ACTN2: variants seen among roughly 807,000 people sequenced by gnomAD.
ACTN2 encodes alpha-actinin-2.
A neutral mutation model predicts 113.8 loss-of-function variants in ACTN2; 39 were observed. The observed-to-expected ratio is 0.34, with a 90% CI of 0.27 to 0.45. The LOEUF is 0.45. ACTN2 is among the 20% of genes least tolerant of loss of function. ACTN2 has a pLI of 1.00. For synonymous variants in ACTN2, 429 were observed against 444.1 expected, an observed-to-expected ratio of 0.97 and a Z score of 0.43; for missense variants, 992 against 1,177.9, an observed-to-expected ratio of 0.84 and a Z score of 2.31.
At position 236,754,050 on chromosome 1, in the gene ACTN2, C is replaced by G. The variant is rs1196167380; in HGVS notation, c.1943C>G (p.Ala648Gly). 3 of 1,614,150 alleles carry G rather than the reference C, an allele frequency of 1.9e-6. No homozygotes were observed. The highest frequency in any genetic ancestry group is 1.7e-6 in the Non-Finnish European group (2 of 1,180,046). Residue 648 changes from alanine (A) to glycine (G), a missense_variant, in exon 16 of 21, where the codon GCC becomes GGC. Around this residue, in one of 3 missense-constraint regions of ACTN2, gnomAD observed 736 missense variants for 815.4 expected, o/e 0.90. Transcript: ENST00000366578. This position sits in a 1 kb window ranked among gnomAD's most constrained non-coding sequence, Gnocchi z 4.9. ...LRRQFAAQAN[A>G]IGPWIQNKME... The stretch of plus-strand genomic sequence containing the variant: ...CGCCAGTTTGCTGCCCAAGCCAATG[C>G]CATTGGGCCCTGGATCCAGAACAAG...
In ACTN2 at chr1:236,727,775, G is replaced by C; in HGVS notation, c.615+19G>C. Reference sequence around the variant, plus strand: ...TAACAAGGTTATTCTGGGTGGCCTGGCATGCAGTGTCCCCAGCCACGCGTC... The same window carrying C: ...TAACAAGGTTATTCTGGGTGGCCTGCCATGCAGTGTCCCCAGCCACGCGTC... On this transcript the variant is annotated intron_variant, in intron 6 of 20. Transcript: ENST00000366578. 2 of 1,613,048 alleles carry C rather than the reference G, an allele frequency of 1.2e-6. No homozygotes were observed. Among genetic ancestry groups the C allele is most frequent in the African/African-American group, 1.3e-5 (1 of 74,970 alleles).
chr1:236,700,068 A>G (rs1447790550), intron 1 of ACTN2, among the ~76,000 whole-genome samples: 1 of 151,930 alleles, frequency 6.6e-6, no homozygotes. Context: ...CAGACCCCAC[A>G]TTCTCCTTAT....
chr1:236,749,915 T>C (rs1324790296), intron 14 of ACTN2, among the ~76,000 whole-genome samples: 3 of 152,214 alleles, frequency 2.0e-5, no homozygotes, highest in African/African-American at 7.2e-5. Context: ...GTGTACTAGC[T>C]GCTGAGTTAA....
chr1:236,762,889 G>A lies in ACTN2; in HGVS notation c.*270G>A, dbSNP rs1327837946. On this transcript the variant is annotated 3_prime_UTR_variant, in exon 21 of 21. Coordinates refer to ENST00000366578, the MANE Select transcript of ACTN2 (RefSeq NM_001103.4). ...TCAGGTTGATTTCTTTGATTAAACA[G>A]AACAAATTACTTGAGTAATAGGAAA... The A allele has an allele frequency of 1.1e-5, 5 of 449,734 alleles. No individual in the cohort carries two copies. The highest frequency in any genetic ancestry group is 2.0e-5 in the African/African-American group (1 of 50,274). The allele number at this position is 449,734 out of a possible 1,614,324, so 27.9% of individuals were successfully genotyped here.
intron 1 of ACTN2, among the ~76,000 whole-genome samples, chr1:236,705,706 C>G (rs559777315): frequency 1.3e-5 from 2 of 152,340 alleles, no homozygotes; most frequent in South Asian, 4.1e-4. Flanking sequence ...TCAGGCATTT[C>G]ACCTTTCCAA....
chr1:236,702,043 A>T (rs1049940191), intron 1 of ACTN2, among the ~76,000 whole-genome samples: 1 of 152,214 alleles, frequency 6.6e-6, no homozygotes, highest in African/African-American at 2.4e-5. Context: ...AAGGATTTCT[A>T]TTCTGCAGTC....
chr1:236,751,104 A>G (rs867857498), intron 14 of ACTN2, among the ~76,000 whole-genome samples: 7 of 151,442 alleles, frequency 4.6e-5, no homozygotes, highest in African/African-American at 1.7e-4. Flanking sequence ...AAAAAAAAAA[A>G]AAAAAAAAAA....
chr1:236,710,625 C>T (rs1414055096), intron 1 of ACTN2, among the ~76,000 whole-genome samples: 2 of 152,220 alleles, frequency 1.3e-5, no homozygotes, highest in Non-Finnish European at 2.9e-5. Context: ...AGACTGTTGA[C>T]TGGTACTGGT....
intron 8 of ACTN2, chr1:236,736,784 C>A: frequency 1.4e-6 from 1 of 695,980 alleles, no homozygotes. Flanking sequence ...GGTGGACATT[C>A]AGGGACCCAA....
chr1:236,705,212 A>T (rs900452950), intron 1 of ACTN2, among the ~76,000 whole-genome samples: 1 of 152,070 alleles, frequency 6.6e-6, no homozygotes, highest in Non-Finnish European at 1.5e-5. Flanking sequence ...GTATAAATAT[A>T]TATATATAAA....
chr1:236,726,084 G>A lies in ACTN2; in HGVS notation c.536+64G>A, dbSNP rs1658541957. On this transcript the variant is annotated intron_variant, in intron 5 of 20. Coordinates refer to ENST00000366578, the MANE Select transcript of ACTN2 (RefSeq NM_001103.4). ...GAATCTGTGGGTAGCATGGGGAACA[G>A]TGTTTGTGTGCACCCGTGTTTTCCT... 6.4e-6 allele frequency: 9 copies of A among 1,406,234 alleles called. No homozygotes were observed. The Admixed American group carries it at 1.5e-4, about 24-fold the overall frequency. 87.1% of individuals were successfully genotyped at this position (1,406,234 alleles called of 1,614,324 possible).
At chr1:236,686,850 C>A in intron 1 of ACTN2, 51 bp downstream of exon 1, 1 of 1,335,154 alleles carries the variant, frequency 7.5e-7, no homozygotes, top group Non-Finnish European at 9.6e-7. Context: ...GGGTCCCCCG[C>A]GGGGCTCCCG....
chr1:236,724,039 G>C (rs886349026), intron 4 of ACTN2, among the ~76,000 whole-genome samples: 1 of 152,176 alleles, frequency 6.6e-6, no homozygotes, highest in African/African-American at 2.4e-5. Context: ...ACATGCCATA[G>C]CATGGATGGC....
At chr1:236,709,329 T>TATATGTATATATATACAC (rs1491548644) in intron 1 of ACTN2, among the ~76,000 whole-genome samples, 3 of 127,350 alleles carry the variant, frequency 2.4e-5, no homozygotes, top group Non-Finnish European at 4.7e-5. Flanking sequence ...TATATATACA[T>TATATGTATATATATACAC]GTATATATAT....
rs1659410132 is a variant in ACTN2, at chr1:236,752,003, T to C, written c.1839+351T>C. Among the ~76,000 whole-genome samples the C allele has an allele frequency of 2.6e-5, 4 of 152,350 alleles. No homozygotes were observed. In the South Asian group the frequency reaches 8.3e-4, roughly 32 times the overall value. On this transcript the variant is annotated intron_variant, in intron 15 of 20. Transcript: ENST00000366578. ...GGTTACAAGTACTTACAGTACTTTT[T>C]AAAAGAATTTTTAGAATATGATATA...
At position 236,727,748 on chromosome 1, in the gene ACTN2, C is replaced by T; in HGVS notation, c.607C>T (p.Leu203Phe). Reference sequence around the variant, plus strand: ...GCCTGACCTCATTGACTACTCAAAGCTTAACAAGGTTATTCTGGGTGGCCT... The same window carrying T: ...GCCTGACCTCATTGACTACTCAAAGTTTAACAAGGTTATTCTGGGTGGCCT... ...HRPDLIDYSK[L>F]NKDDPIGNIN... Residue 203 changes from leucine (L) to phenylalanine (F), a missense_variant, in exon 6 of 21, where the codon CTT becomes TTT. Physicochemically the swap from Leu to Phe is conservative, Grantham distance 22. Coordinates refer to ENST00000366578, the MANE Select transcript of ACTN2 (RefSeq NM_001103.4). 6.2e-7 allele frequency: 1 copy of T among 1,614,118 alleles called. No individual in the cohort carries two copies. Among genetic ancestry groups the T allele is most frequent in the Non-Finnish European group, 8.5e-7 (1 of 1,180,026 alleles).
At position 236,759,724 on chromosome 1, in the gene ACTN2, A is replaced by G; in HGVS notation, c.2302A>G (p.Arg768Gly). 1 of 1,613,994 alleles carries G rather than the reference A, an allele frequency of 6.2e-7. No homozygotes were observed. Among genetic ancestry groups the G allele is most frequent in the Non-Finnish European group, 8.5e-7 (1 of 1,179,916 alleles). The stretch of plus-strand genomic sequence containing the variant: ...CTCTGTCCTTTGTTTTTGCCAACAG[A>G]GGAAGAATGGCCTGATGGATCATGA... ...FRASFNHFDR[R>G]KNGLMDHEDF... Residue 768 changes from arginine (R) to glycine (G), a missense_variant and splice_region_variant, in exon 19 of 21, where the codon AGG (arginine) becomes GGG (glycine). This residue lies in a region of ACTN2 where 736 missense variants were observed against 815.4 expected (regional missense o/e 0.90). Transcript: ENST00000366578.
chr1:236,739,942 T>G (rs1474287973), intron 10 of ACTN2, among the ~76,000 whole-genome samples: 2 of 151,924 alleles, frequency 1.3e-5, no homozygotes, highest in Admixed American at 1.3e-4. Context: ...ACTTTCTCCC[T>G]CTCCACCGAA....
Position 236,762,461 on chromosome 1 carries a change from C to A in ACTN2, c.2527C>A (p.Pro843Thr), listed in dbSNP as rs1434516566. Residue 843 changes from proline (P) to threonine (T), a missense_variant and splice_region_variant, in exon 21 of 21, where the codon CCA (proline) becomes ACA (threonine). Transcript: ENST00000366578. Reference protein sequence around the residue: ...ASFRILASDKPYILAEELRRE... With the variant: ...ASFRILASDKTYILAEELRRE... ...CAAACACGTGTGTATTTTTTCCCAG[C>A]CATACATCCTGGCGGAGGAGCTGCG... is the stretch of plus-strand genomic sequence containing the variant. 1 of 1,614,080 alleles carries A rather than the reference C, an allele frequency of 6.2e-7. No homozygotes were observed. The highest frequency in any genetic ancestry group is 1.7e-5 in the Admixed American group (1 of 60,028).
Sources: allele counts gnomAD v4.1 joint callset (sites outside exome capture counted in the v4.1 genomes callset), GRCh38; gene constraint gnomAD v4.1.1; regional missense constraint gnomAD v4.1.1; non-coding constraint Gnocchi (gnomAD v3.1); transcripts MANE v1.5; gene names NCBI Gene and HGNC (gene_info 2026-07-23, HGNC 2026-07-21).